PITPNC1: variants seen among roughly 807,000 people sequenced by gnomAD.
PITPNC1 encodes cytoplasmic phosphatidylinositol transfer protein 1.
A neutral mutation model predicts 44.7 loss-of-function variants in PITPNC1; 18 were observed. The ratio of observed to expected loss-of-function variants is 0.40; its 90% confidence interval spans 0.28 to 0.60. PITPNC1 has a LOEUF of 0.60. PITPNC1 is among the 20% of genes least tolerant of loss of function. The probability of loss-of-function intolerance (pLI) is 0.39; values close to 1 mark genes in which losing one functional copy is unlikely to be tolerated. For missense variants in PITPNC1, 290 were observed against 418.4 expected (o/e 0.69, Z 2.68); for synonymous variants, 141 against 149.6 (o/e 0.94, Z 0.42).
chr17:67,554,378 C>T (rs891201933), intron 4 of PITPNC1, among the ~76,000 whole-genome samples: 2 of 151,798 alleles, frequency 1.3e-5, no homozygotes, highest in Non-Finnish European at 2.9e-5. Flanking sequence ...CTGCCTCAGC[C>T]TCCCAAGTAG....
intron 1 of PITPNC1, among the ~76,000 whole-genome samples, chr17:67,464,762 C>CAT (rs1568000311): frequency 1.3e-5 from 2 of 148,676 alleles, no homozygotes; most frequent in Non-Finnish European, 3.0e-5. Context: ...TTTTTTGAGA[C>CAT]AGAGTCTCAC....
Position 67,610,793 on chromosome 17 carries a change from C to T in PITPNC1, c.367-21350C>T, listed in dbSNP as rs932625029. Among the ~76,000 whole-genome samples, 15 of 151,996 alleles carry T rather than the reference C, an allele frequency of 9.9e-5. No individual in the cohort carries two copies. The South Asian group carries it at 2.9e-3, about 29-fold the overall frequency. On this transcript the variant is annotated intron_variant, in intron 5 of 8. Transcript: ENST00000581322. ...AAAATTAGCTGGGCACTGGGGCATG[C>T]GCCTGTAGTCCCAGCTACTCGGGAG...
chr17:67,436,111 G>A (rs1466245424), intron 1 of PITPNC1, among the ~76,000 whole-genome samples: 1 of 151,806 alleles, frequency 6.6e-6, no homozygotes, highest in Non-Finnish European at 1.5e-5. Flanking sequence ...TCCTGCTTCA[G>A]CCTCCCAAGT....
intron 1 of PITPNC1, among the ~76,000 whole-genome samples, chr17:67,512,356 T>G (rs895352699): frequency 3.3e-5 from 5 of 151,988 alleles, no homozygotes; most frequent in Admixed American, 2.6e-4. Context: ...AAAAAATTAG[T>G]CAGGCGTGAT....
intron 1 of PITPNC1, among the ~76,000 whole-genome samples, chr17:67,528,293 C>T (rs937713998): frequency 4.6e-5 from 7 of 152,216 alleles, no homozygotes; most frequent in Non-Finnish European, 7.3e-5. Flanking sequence ...CCGCCTGCCT[C>T]GGCCTCCCAA....
intron 5 of PITPNC1, among the ~76,000 whole-genome samples, chr17:67,609,558 G>A (rs1044310737): frequency 1.3e-5 from 2 of 151,912 alleles, no homozygotes; most frequent in African/African-American, 4.8e-5. Flanking sequence ...CCAAAGTCCT[G>A]GGTTTATAGG....
chr17:67,464,842 C>A (rs954478233), intron 1 of PITPNC1, among the ~76,000 whole-genome samples: 2 of 151,982 alleles, frequency 1.3e-5, no homozygotes, highest in African/African-American at 2.4e-5. Context: ...CGGGTCCAAG[C>A]AATTCTCCTG....
chr17:67,659,697 C>T (rs2042315685), intron 6 of PITPNC1, among the ~76,000 whole-genome samples: 1 of 152,110 alleles, frequency 6.6e-6, no homozygotes, highest in Non-Finnish European at 1.5e-5. Context: ...GATAATCTCT[C>T]AATTTATTGG....
chr17:67,578,183 C>T lies in PITPNC1; in HGVS notation c.295-3C>T. 6.2e-7 allele frequency: 1 copy of T among 1,603,550 alleles called. No individual in the cohort carries two copies. Among genetic ancestry groups the T allele is most frequent in the Non-Finnish European group, 8.5e-7 (1 of 1,170,502 alleles). On this transcript the variant is annotated splice_region_variant and splice_polypyrimidine_tract_variant and intron_variant, in intron 4 of 8. Transcript: ENST00000581322. ...CTAATGAAAATTTGCTTTTCTCCCA[C>T]AGTGTTCCTTTCTGCCGAAATTCTC...
intron 1 of PITPNC1, among the ~76,000 whole-genome samples, chr17:67,425,154 C>T (rs1222529174): frequency 6.7e-6 from 1 of 149,946 alleles, no homozygotes; most frequent in Non-Finnish European, 1.5e-5. Flanking sequence ...ACTCAGCCCG[C>T]CTGCACCCAG....
intron 1 of PITPNC1, among the ~76,000 whole-genome samples, chr17:67,434,662 A>C (rs2038906135): frequency 6.8e-6 from 1 of 147,270 alleles, no homozygotes; most frequent in Non-Finnish European, 1.5e-5. Flanking sequence ...AATACAAAAA[A>C]ATTTGCCAGG....
rs1230996031 is a variant in PITPNC1, at chr17:67,494,173, T to TCC, written c.49-38629_49-38628insCC. The stretch of plus-strand genomic sequence containing the variant: ...CAATATGTGTAACCTCTTTCTTTCT[T>TCC]TCTTTCTTTCTTTTTCTTTCTTTCT... On this transcript the variant is annotated intron_variant, in intron 1 of 8. Coordinates refer to ENST00000581322, the MANE Select transcript of PITPNC1 (RefSeq NM_012417.4). 2.0e-3 allele frequency among the ~76,000 whole-genome samples: 128 copies of TCC among 63,566 alleles called. 4 individuals carry two copies. The highest frequency in any genetic ancestry group is 5.0e-3 in the African/African-American group (78 of 15,606). 41.7% of individuals were successfully genotyped at this position (63,566 alleles called of 152,430 possible).
intron 1 of PITPNC1, among the ~76,000 whole-genome samples, chr17:67,455,585 AGTTTTTTTTGTTTTTTTTT>A (rs1417864777): frequency 1.3e-5 from 2 of 148,272 alleles, no homozygotes; most frequent in African/African-American, 5.1e-5. Flanking sequence ...ATGCCCAGCT[AGTTTTTTTTGTTTTTTTTT>A]GTTTTTTTTG....
intron 5 of PITPNC1, among the ~76,000 whole-genome samples, chr17:67,628,931 C>G (rs927113037): frequency 6.6e-6 from 1 of 152,154 alleles, no homozygotes; most frequent in Non-Finnish European, 1.5e-5. Flanking sequence ...CCCTTTAGGG[C>G]CCCCTACTGA....
At position 67,675,379 on chromosome 17, in the gene PITPNC1, C is replaced by T. The variant is rs2042583663; in HGVS notation, c.619-100C>T. 43 of 860,078 alleles carry T rather than the reference C, an allele frequency of 5.0e-5. 1 individual carries two copies. In the South Asian group the frequency reaches 5.4e-4, roughly 11 times the overall value. 53.3% of individuals were successfully genotyped at this position (860,078 alleles called of 1,614,324 possible). The stretch of plus-strand genomic sequence containing the variant: ...CACCTATGGACAGAGGGATTAAGAA[C>T]TCTGTAATCACCAAGATCCCCAGAA... On this transcript the variant is annotated intron_variant, in intron 7 of 8. Coordinates refer to ENST00000581322, the MANE Select transcript of PITPNC1 (RefSeq NM_012417.4).
At chr17:67,502,749 T>TTGCATTGC (rs2040050390) in intron 1 of PITPNC1, among the ~76,000 whole-genome samples, 1 of 36,976 alleles carries the variant, frequency 2.7e-5, no homozygotes, top group African/African-American at 6.8e-5. Context: ...CATTGCATTG[T>TTGCATTGC]ATTGTATTGT....
At chr17:67,618,786 C>T (rs1033849024) in intron 5 of PITPNC1, among the ~76,000 whole-genome samples, 2 of 149,912 alleles carry the variant, frequency 1.3e-5, no homozygotes, top group Non-Finnish European at 3.0e-5. Context: ...TGGCCGGGCG[C>T]GGTGGCTCAT....
intron 4 of PITPNC1, among the ~76,000 whole-genome samples, chr17:67,554,715 A>C (rs1234653760): frequency 2.0e-5 from 3 of 152,230 alleles, no homozygotes; most frequent in Non-Finnish European, 4.4e-5. Flanking sequence ...CTCAATCAAT[A>C]GTTATTGAAT....
rs554373354 is a variant in PITPNC1 at position 67,389,971 on chromosome 17, GC to G, written c.48+11772del. ...TGGGATTACAGACGCGAGCCACCGT[GC>G]CCGGCCAAAGCTGTTTTTTTAGAAA... On this transcript the variant is annotated intron_variant, in intron 1 of 8. Coordinates refer to ENST00000581322, the MANE Select transcript of PITPNC1 (RefSeq NM_012417.4). Among the ~76,000 whole-genome samples the G allele has an allele frequency of 1.3e-3, 201 of 152,224 alleles. 1 individual carries two copies. The highest frequency in any genetic ancestry group is 2.5e-3 in the Non-Finnish European group (173 of 68,016).
Sources: allele counts gnomAD v4.1 joint callset (sites outside exome capture counted in the v4.1 genomes callset), GRCh38; gene constraint gnomAD v4.1.1; transcripts MANE v1.5; gene names NCBI Gene and HGNC (gene_info 2026-07-23, HGNC 2026-07-21).